ETNK2: variants seen among roughly 807,000 people sequenced by gnomAD.
ETNK2 encodes ethanolamine kinase-like protein.
A neutral mutation model predicts 46.2 loss-of-function variants in ETNK2; 33 were observed. The ratio of observed to expected loss-of-function variants is 0.71; its 90% CI spans 0.54 to 0.96. The LOEUF (loss-of-function observed/expected upper bound fraction) is 0.96. ETNK2 is among the 40% of genes least tolerant of loss of function. The probability of loss-of-function intolerance (pLI) is 0.00; values close to 1 mark genes in which losing one functional copy is unlikely to be tolerated. For synonymous variants in ETNK2, 194 were observed against 209.0 expected (o/e 0.93, Z 0.62); for missense variants, 445 against 509.7 (o/e 0.87, Z 1.22).
intron 3 of ETNK2, among the ~76,000 whole-genome samples, chr1:204,144,971 G>A (rs1657722524): frequency 1.3e-5 from 2 of 152,200 alleles, no homozygotes; most frequent in South Asian, 4.1e-4. Flanking sequence ...TAAGCTCTTT[G>A]AGGGCAGGGC....
Position 204,134,698 on chromosome 1 carries a change from G to A in ETNK2, c.1015-110C>T, listed in dbSNP as rs751991265. 2.5e-6 allele frequency: 4 copies of A among 1,607,050 alleles called. No homozygotes were observed. The South Asian group carries it at 3.3e-5, about 13-fold the overall frequency. The stretch of plus-strand genomic sequence containing the variant: ...TGGAAGACACACAGCTAGGACCCTG[G>A]AAGAGATGTGGTGGGGTCTCCCTAG... On this transcript the variant is annotated intron_variant, in intron 6 of 7. Transcript: ENST00000367202.
chr1:204,135,279 A>AT (rs1257823503), intron 6 of ETNK2, among the ~76,000 whole-genome samples: 1 of 152,144 alleles, frequency 6.6e-6, no homozygotes, highest in Non-Finnish European at 1.5e-5. Flanking sequence ...GAAGCCAGGG[A>AT]TTGGATGGGA....
chr1:204,151,614 G>T lies in ETNK2; in HGVS notation c.239C>A (p.Pro80His). 4 of 1,548,510 alleles carry T rather than the reference G, an allele frequency of 2.6e-6. No homozygotes were observed. The highest frequency in any genetic ancestry group is 3.5e-6 in the Non-Finnish European group (4 of 1,145,980). The change falls in exon 1 of 8, where the codon CCC (proline) becomes CAC (histidine). Residue 80 changes from proline (P) to histidine (H), a missense_variant. Coordinates refer to ENST00000367202, the MANE Select transcript of ETNK2 (RefSeq NM_018208.4). The surrounding 1 kb of genome is among the most constrained non-coding windows in gnomAD (Gnocchi z 8.0). Reference sequence around the variant, plus strand: ...CGCTACCTTGGTCCGAACTTGCTCGGGTTTCCAATGCGGCCGCAGCTCCTG... The same window carrying T: ...CGCTACCTTGGTCCGAACTTGCTCGTGTTTCCAATGCGGCCGCAGCTCCTG... ...LIQELRPHWKPEQVRTKRFTD... is the reference protein window; with the variant it reads ...LIQELRPHWKHEQVRTKRFTD...
intron 2 of ETNK2, 24 bp downstream of exon 2, chr1:204,149,679 C>G: frequency 1.3e-6 from 2 of 1,555,488 alleles, no homozygotes; most frequent in Non-Finnish European, 1.7e-6. Context: ...ATAGTAGAGA[C>G]AGAGGCCCTG....
chr1:204,143,264 G>T (rs1451008538), intron 3 of ETNK2, among the ~76,000 whole-genome samples: 1 of 151,422 alleles, frequency 6.6e-6, no homozygotes, highest in East Asian at 1.9e-4. Context: ...CAAAAGGGAA[G>T]AATTAGGAGG....
At position 204,151,395 on chromosome 1, in the gene ETNK2, T is replaced by G; in HGVS notation, c.258+200A>C. 2.7e-6 allele frequency: 2 copies of G among 727,300 alleles called. No individual in the cohort carries two copies. The highest frequency in any genetic ancestry group is 4.3e-6 in the Non-Finnish European group (2 of 469,876). The allele number at this position is 727,300 out of a possible 1,614,324, so 45.1% of individuals were successfully genotyped here. The stretch of plus-strand genomic sequence containing the variant: ...TAAGAGCCCCGGGAGGAGGGGGGCG[T>G]GTGCAGGGCCAAGGGAGGTGTGAGC... On this transcript the variant is annotated intron_variant, in intron 1 of 7. Coordinates refer to ENST00000367202, the MANE Select transcript of ETNK2 (RefSeq NM_018208.4). The surrounding 1 kb of genome is among the most constrained non-coding windows in gnomAD (Gnocchi z 8.0).
At chr1:204,146,831 C>T in intron 2 of ETNK2, 67 bp from the exon 3 acceptor site, 1 of 1,600,416 alleles carries the variant, frequency 6.2e-7, no homozygotes, top group Admixed American at 1.7e-5. Context: ...TCATTTCCTC[C>T]TGGCCAGATA....
intron 3 of ETNK2, chr1:204,142,564 AACCTAGAACC>A (rs1657596516): frequency 2.0e-5 from 3 of 152,296 alleles, no homozygotes; most frequent in Non-Finnish European, 4.4e-5. Context: ...GTCCTTAAAA[AACCTAGAACC>A]ACCAATGGGC....
rs972842141 is a variant in ETNK2, at chr1:204,151,902, G to A, written c.-50C>T. ...GCCGCGGCAGACGCTAGCCCCGGCG[G>A]GGGGGTCCGGCGAGGGAGTGGGAGT... On this transcript the variant is annotated 5_prime_UTR_variant, in exon 1 of 8. Transcript: ENST00000367202. This position sits in a 1 kb window ranked among gnomAD's most constrained non-coding sequence, Gnocchi z 8.0. 16 of 1,405,950 alleles carry A rather than the reference G, an allele frequency of 1.1e-5. No homozygotes were observed. The highest frequency in any genetic ancestry group is 3.3e-5 in the Admixed American group (1 of 29,872). The allele number at this position is 1,405,950 out of a possible 1,614,324, so 87.1% of individuals were successfully genotyped here.
chr1:204,136,425 A>ATG (rs1196199503), intron 6 of ETNK2, among the ~76,000 whole-genome samples: 5 of 149,502 alleles, frequency 3.3e-5, no homozygotes, highest in Middle Eastern at 3.4e-3. Flanking sequence ...ATATATATAT[A>ATG]TATGCCGGGC....
intron 2 of ETNK2, among the ~76,000 whole-genome samples, chr1:204,147,975 GGAACAGAGCAT>G (rs754229264): frequency 3.3e-5 from 5 of 152,208 alleles, no homozygotes; most frequent in African/African-American, 9.7e-5. Flanking sequence ...AGGAAGATTC[GGAACAGAGCAT>G]GAACAGAGCG....
Position 204,151,423 on chromosome 1 carries a change from A to T in ETNK2, c.258+172T>A. Reference sequence around the variant, plus strand: ...GCAGGGCCAAGGGAGGTGTGAGCCTAGTTTTGGTAGCGACGAAATCAATCC... The same window carrying T: ...GCAGGGCCAAGGGAGGTGTGAGCCTTGTTTTGGTAGCGACGAAATCAATCC... On this transcript the variant is annotated intron_variant, in intron 1 of 7. Transcript: ENST00000367202. The surrounding 1 kb of genome is among the most constrained non-coding windows in gnomAD (Gnocchi z 8.0). The T allele has an allele frequency of 1.0e-6, 1 of 964,572 alleles. No individual in the cohort carries two copies. Among genetic ancestry groups the T allele is most frequent in the Non-Finnish European group, 1.5e-6 (1 of 667,712 alleles). The allele number at this position is 964,572 out of a possible 1,614,324, so 59.8% of individuals were successfully genotyped here.
intron 4 of ETNK2, among the ~76,000 whole-genome samples, chr1:204,140,770 G>A (rs968610399): frequency 6.7e-5 from 10 of 150,324 alleles, no homozygotes; most frequent in African/African-American, 1.2e-4. Flanking sequence ...TGATCCACCC[G>A]CCTTAGCCTC....
chr1:204,141,524 C>T (rs955799807), intron 3 of ETNK2, 67 bp from the exon 4 acceptor site: 18 of 1,519,954 alleles, frequency 1.2e-5, no homozygotes, highest in Admixed American at 6.0e-5. Context: ...GCCTCAAGAG[C>T]CCTGAATCTG....
chr1:204,146,562 T>C, intron 3 of ETNK2, 80 bp downstream of exon 3: 1 of 1,564,748 alleles, frequency 6.4e-7, no homozygotes, highest in Non-Finnish European at 8.7e-7. Flanking sequence ...TTAAACCTCC[T>C]AGCAGGGTGG....
intron 2 of ETNK2, chr1:204,147,524 C>T (rs1336343778): frequency 1.9e-6 from 1 of 533,422 alleles, no homozygotes; most frequent in Admixed American, 1.9e-5. Context: ...CAGCTGGGCC[C>T]TCCCAGTCCT....
At chr1:204,143,979 C>G (rs1027225867) in intron 3 of ETNK2, among the ~76,000 whole-genome samples, 1 of 152,140 alleles carries the variant, frequency 6.6e-6, no homozygotes, top group Non-Finnish European at 1.5e-5. Context: ...GCTCTCCACC[C>G]GCCACCTCAA....
At position 204,137,181 on chromosome 1, in the gene ETNK2, G is replaced by A. The variant is rs1321176806; in HGVS notation, c.937C>T (p.Leu313=). The A allele has an allele frequency of 1.9e-6, 3 of 1,613,992 alleles. No homozygotes were observed. The highest frequency in any genetic ancestry group is 2.5e-6 in the Non-Finnish European group (3 of 1,179,860). ...ACGGCCATCCCCTTTTGTGCCTGCA[G>A]GTAGTAGTGCAGCCACTGCAGCTGG... ...ETQLQWLHYY[L]QAQKGMAVTP... The change falls in exon 6 of 8, where the codon CTG becomes TTG. Residue 313 remains leucine, a synonymous_variant. Transcript: ENST00000367202.
intron 3 of ETNK2, among the ~76,000 whole-genome samples, chr1:204,146,355 T>C (rs903405150): frequency 6.6e-6 from 1 of 151,922 alleles, no homozygotes; most frequent in Admixed American, 6.6e-5. Flanking sequence ...ATCCCCTAAG[T>C]AAAATGGGGA....
Sources: gnomAD v4.1 joint callset for allele counts (sites outside exome capture counted in the v4.1 genomes callset) on GRCh38, gnomAD v4.1.1 for gene constraint, Gnocchi (gnomAD v3.1) non-coding constraint, MANE v1.5 for transcripts, NCBI Gene and HGNC (gene_info 2026-07-23, HGNC 2026-07-21) for gene names.